The following RAB38 variants were observed in gnomAD, a reference collection of about 807,000 sequenced individuals.
RAB38 encodes the protein RAB38, member RAS oncogene family, also known as ras-related protein Rab-38.
In RAB38, 15 loss-of-function variants were observed where a neutral mutation model predicts 18.4. The ratio of observed to expected loss-of-function variants is 0.82; its 90% confidence interval spans 0.55 to 1.26. The LOEUF (loss-of-function observed/expected upper bound fraction) is 1.26, where lower values mean the gene tolerates loss of function less well. Among genes scored for constraint, RAB38 ranks in the 50% most tolerant of loss-of-function variants. The pLI, the probability that RAB38 is intolerant of heterozygous loss-of-function variation, is 0.00. For synonymous variants in RAB38, 101 were observed against 104.4 expected (o/e 0.97, Z 0.20); for missense variants, 294 against 267.4 (o/e 1.10, Z -0.69).
chr11:88,156,566 G>C (rs1286705945), intron 1 of RAB38, among the ~76,000 whole-genome samples: 1 of 152,110 alleles, frequency 6.6e-6, no homozygotes, highest in Non-Finnish European at 1.5e-5. Flanking sequence ...GCTGAGTGTG[G>C]TGACACACAC....
chr11:87,871,120 T>A, the RAB38 span, among the ~76,000 whole-genome samples: 3 of 151,716 alleles, frequency 2.0e-5, no homozygotes, highest in African/African-American at 7.2e-5. Context: ...ATTATTTTTA[T>A]GTTTAGTTGA....
At chr11:88,007,544 C>A in the RAB38 span, among the ~76,000 whole-genome samples, 1 of 151,850 alleles carries the variant, frequency 6.6e-6, no homozygotes, top group Non-Finnish European at 1.5e-5. Context: ...AATAACAATG[C>A]AATACCACTT....
chr11:87,862,758 T>C, the RAB38 span, among the ~76,000 whole-genome samples: 5 of 151,966 alleles, frequency 3.3e-5, no homozygotes, highest in African/African-American at 9.6e-5. Flanking sequence ...TGACCCAATA[T>C]ACTAAGTAAA....
intron 1 of RAB38, among the ~76,000 whole-genome samples, chr11:88,154,779 C>T (rs1282765034): frequency 6.6e-6 from 1 of 152,216 alleles, no homozygotes; most frequent in Non-Finnish European, 1.5e-5. Context: ...CACACCAGGG[C>T]AGATCTCTGG....
chr11:87,900,592 A>G, the RAB38 span, among the ~76,000 whole-genome samples: 12 of 151,584 alleles, frequency 7.9e-5, no homozygotes, highest in Middle Eastern at 3.4e-3. Context: ...CTGGAACTCA[A>G]TGTTCCCAAT....
chr11:88,079,457 A>T, the RAB38 span, among the ~76,000 whole-genome samples: 2 of 151,774 alleles, frequency 1.3e-5, no homozygotes, highest in African/African-American at 4.8e-5. Context: ...CTTCTAGCCC[A>T]AACAAACTTA....
rs747613840 is a variant in RAB38, at chr11:88,175,364, C to T, written c.21G>A (p.Glu7=). 3 of 1,614,064 alleles carry T rather than the reference C, an allele frequency of 1.9e-6. No homozygotes were observed. In the Admixed American group the frequency reaches 5.0e-5, roughly 27 times the overall value. The change falls in exon 1 of 3, where the codon GAG becomes GAA. Residue 7 remains glutamate, a synonymous_variant. Transcript: ENST00000243662. ...CAATCACCAGCAACTTGTACAGGTGCTCCTTGTGCGGGGCCTGCATCCTGG... is the reference window on the plus strand; with the variant it reads ...CAATCACCAGCAACTTGTACAGGTGTTCCTTGTGCGGGGCCTGCATCCTGG... MQAPHK[E]HLYKLLVIGD...
At chr11:88,090,808 A>C in the RAB38 span, among the ~76,000 whole-genome samples, 1 of 151,902 alleles carries the variant, frequency 6.6e-6, no homozygotes, top group Non-Finnish European at 1.5e-5. Flanking sequence ...GGATCCCCAC[A>C]CCAAATGCCA....
chr11:87,888,280 A>G, the RAB38 span, among the ~76,000 whole-genome samples: 1 of 151,982 alleles, frequency 6.6e-6, no homozygotes. Context: ...CAGTTGTAAA[A>G]TACTATGTAT....
rs1943040689 is a variant in RAB38, at chr11:88,149,782, C to T, written c.376G>A (p.Ala126Thr). Residue 126 changes from alanine to threonine, a missense_variant, in exon 2 of 3, where the codon GCC becomes ACC. By Grantham distance (58) the Ala-to-Thr change is moderately conservative. Coordinates refer to ENST00000243662, the MANE Select transcript of RAB38 (RefSeq NM_022337.3). ...NGKPVSVVLL[A>T]NKCDQGKDVL... ...TCCTTCCCCTGGTCACATTTGTTGG[C>T]CAACAAAACCACTGAAACCGGTTTG... is the stretch of plus-strand genomic sequence containing the variant. 6.2e-7 allele frequency: 1 copy of T among 1,614,014 alleles called. No homozygotes were observed. The highest frequency in any genetic ancestry group is 2.2e-5 in the East Asian group (1 of 44,892).
chr11:87,886,350 GGAGA>G, the RAB38 span, among the ~76,000 whole-genome samples: 1 of 151,766 alleles, frequency 6.6e-6, no homozygotes, highest in African/African-American at 2.4e-5. Context: ...CACATGTGCA[GGAGA>G]GAGAGAGATC....
At chr11:88,107,899 G>A in the RAB38 span, among the ~76,000 whole-genome samples, 1 of 152,092 alleles carries the variant, frequency 6.6e-6, no homozygotes, top group African/African-American at 2.4e-5. Context: ...TCAGGAGCAG[G>A]TTGTTCAGTT....
At chr11:88,069,003 G>A in the RAB38 span, among the ~76,000 whole-genome samples, 24 of 152,290 alleles carry the variant, frequency 1.6e-4, no homozygotes, top group South Asian at 2.3e-3. Context: ...CTCTCTGGGT[G>A]GGCCAAGGCT....
the RAB38 span, among the ~76,000 whole-genome samples, chr11:88,046,954 T>C: frequency 6.6e-6 from 1 of 152,100 alleles, no homozygotes; most frequent in Non-Finnish European, 1.5e-5. Context: ...GCAGAATTCT[T>C]ACACAAGGAC....
chr11:88,105,370 C>T, the RAB38 span, among the ~76,000 whole-genome samples: 10 of 152,012 alleles, frequency 6.6e-5, no homozygotes, highest in Non-Finnish European at 1.3e-4. Context: ...AGTAAAGCTG[C>T]CAATACCTAT....
At chr11:88,004,454 T>C in the RAB38 span, among the ~76,000 whole-genome samples, 1 of 151,174 alleles carries the variant, frequency 6.6e-6, no homozygotes, top group African/African-American at 2.4e-5. Flanking sequence ...TCAGAAAACC[T>C]GAAATATAAG....
the RAB38 span, among the ~76,000 whole-genome samples, chr11:88,053,104 A>G: frequency 7.4e-6 from 1 of 135,334 alleles, no homozygotes; most frequent in Non-Finnish European, 1.5e-5. Flanking sequence ...TTATATATAT[A>G]CACATATATA....
chr11:87,823,696 C>T, the RAB38 span, among the ~76,000 whole-genome samples: 3 of 151,800 alleles, frequency 2.0e-5, no homozygotes, highest in South Asian at 2.1e-4. Flanking sequence ...CGCAAATGGT[C>T]GTAGCAATTT....
the RAB38 span, among the ~76,000 whole-genome samples, chr11:87,823,386 AT>A: frequency 0.14 from 20,706 of 146,976 alleles, 1,834 homozygotes; most frequent in African/African-American, 0.26. Flanking sequence ...AAATCCCAGC[AT>A]TTTTTTTTTT....
Sources: gnomAD v4.1 joint callset for allele counts (sites outside exome capture counted in the v4.1 genomes callset) on GRCh38, gnomAD v4.1.1 for gene constraint, MANE v1.5 for transcripts, NCBI Gene and HGNC (gene_info 2026-07-23, HGNC 2026-07-21) for gene names.